The following RNF168 variants were observed in gnomAD, a reference collection of about 807,000 sequenced individuals.
RNF168 encodes the protein E3 ubiquitin-protein ligase RNF168.
A neutral mutation model predicts 34.9 loss-of-function variants in RNF168; 34 were observed. The observed-to-expected ratio is 0.97, with a 90% confidence interval of 0.74 to 1.30. RNF168 has a LOEUF of 1.30. Ranked by LOEUF, RNF168 falls within the 50% of genes most tolerant of loss-of-function variation. RNF168 has a pLI of 0.00. For missense variants in RNF168, 725 were observed against 682.5 expected, an observed-to-expected ratio of 1.06 and a Z score of -0.69; for synonymous variants, 264 against 254.7, an observed-to-expected ratio of 1.04 and a Z score of -0.35.
chr3:196,475,093 A>G, intron 5 of RNF168, 138 bp downstream of exon 5: 3 of 641,862 alleles, frequency 4.7e-6, no homozygotes, highest in Non-Finnish European at 8.5e-6. Flanking sequence ...CTTTTTCTCT[A>G]GGTGAGCCTA....
intron 1 of RNF168, among the ~76,000 whole-genome samples, chr3:196,490,651 T>C (rs1339409169): frequency 6.6e-6 from 1 of 151,700 alleles, no homozygotes. Context: ...TAATATGAAA[T>C]CTTCCAACTT....
intron 3 of RNF168, among the ~76,000 whole-genome samples, chr3:196,487,165 C>T (rs1278111966): frequency 1.3e-5 from 2 of 152,224 alleles, no homozygotes; most frequent in African/African-American, 4.8e-5. Context: ...ATTATGGCAA[C>T]GCCATCTCTT....
At chr3:196,500,990 C>T (rs953151837) in intron 1 of RNF168, among the ~76,000 whole-genome samples, 1 of 152,200 alleles carries the variant, frequency 6.6e-6, no homozygotes, top group Non-Finnish European at 1.5e-5. Flanking sequence ...GGATTACAGG[C>T]GTGAGCCGCC....
At chr3:196,495,749 G>A (rs924392593) in intron 1 of RNF168, among the ~76,000 whole-genome samples, 2 of 152,100 alleles carry the variant, frequency 1.3e-5, no homozygotes, top group African/African-American at 2.4e-5. Context: ...TGAGTCCTCC[G>A]TTCTCCGGCA....
rs533598324 is a variant in RNF168, at chr3:196,480,532, G to A, written c.680+3238C>T. On this transcript the variant is annotated intron_variant, in intron 4 of 5. Coordinates refer to ENST00000318037, the MANE Select transcript of RNF168 (RefSeq NM_152617.4). The stretch of plus-strand genomic sequence containing the variant: ...AAAAGTTGGAATTCTGATTCGAATT[G>A]CACTGACTCTATAGATCAGTCTGAG... Among the ~76,000 whole-genome samples, 6 of 152,366 alleles carry A rather than the reference G, an allele frequency of 3.9e-5. No individual in the cohort carries two copies. In the East Asian group the frequency reaches 1.2e-3, roughly 29 times the overall value.
chr3:196,488,082 A>T (rs1249299315), intron 2 of RNF168, among the ~76,000 whole-genome samples: 20 of 152,162 alleles, frequency 1.3e-4, no homozygotes, highest in Non-Finnish European at 1.3e-4. Context: ...GAATTAAAAA[A>T]TTTTCTTCAT....
chr3:196,475,371 C>T, intron 4 of RNF168, 59 bp from the exon 5 acceptor site: 1 of 958,034 alleles, frequency 1.0e-6, no homozygotes, highest in South Asian at 1.3e-5. Flanking sequence ...ATGTACCCAA[C>T]ATAATAAAGC....
chr3:196,497,453 C>T (rs1311298120), intron 1 of RNF168, among the ~76,000 whole-genome samples: 2 of 151,920 alleles, frequency 1.3e-5, no homozygotes, highest in Non-Finnish European at 2.9e-5. Context: ...AGGCGGATCA[C>T]GAGGTCAGGA....
intron 1 of RNF168, among the ~76,000 whole-genome samples, chr3:196,500,813 G>A (rs565322275): frequency 0.045 from 6,863 of 151,706 alleles, 486 homozygotes; most frequent in African/African-American, 0.16. Context: ...CCGGGTTCAC[G>A]CCATTCTCCG....
chr3:196,497,763 T>G (rs962888899), intron 1 of RNF168, among the ~76,000 whole-genome samples: 1 of 151,828 alleles, frequency 6.6e-6, no homozygotes, highest in Non-Finnish European at 1.5e-5. Context: ...TAAAAAGCAA[T>G]AAACTATAAA....
At position 196,471,935 on chromosome 3, in the gene RNF168, T is replaced by C. The variant is rs1176862082; in HGVS notation, c.1600A>G (p.Arg534Gly). The C allele has an allele frequency of 2.5e-6, 4 of 1,613,996 alleles. No individual in the cohort carries two copies. The African/African-American group carries it at 5.3e-5, about 22-fold the overall frequency. Residue 534 changes from arginine (R) to glycine (G), a missense_variant, in exon 6 of 6, where the codon AGA (arginine) becomes GGA (glycine). By Grantham distance (125) the Arg-to-Gly change is moderately radical (BLOSUM62 -2). Transcript: ENST00000318037. Reference sequence around the variant, plus strand: ...TCTCTAGTAGAATTTGGCATCTTTCTTCTATTAACTGACTGCTTCAACTGC... The same window carrying C: ...TCTCTAGTAGAATTTGGCATCTTTCCTCTATTAACTGACTGCTTCAACTGC... ...KMQLKQSVNR[R>G]KMPNSTRDHC...
chr3:196,471,726 C>T lies in RNF168; in HGVS notation c.*93G>A. The stretch of plus-strand genomic sequence containing the variant: ...AAGGACAATGAGTGTGCCTAGAGAG[C>T]AGCATGAATGACACATGGATGAAGA... On this transcript the variant is annotated 3_prime_UTR_variant, in exon 6 of 6. Coordinates refer to ENST00000318037, the MANE Select transcript of RNF168 (RefSeq NM_152617.4). 1.2e-6 allele frequency: 1 copy of T among 853,856 alleles called. No homozygotes were observed. The highest frequency in any genetic ancestry group is 1.4e-5 in the South Asian group (1 of 73,494). The allele number at this position is 853,856 out of a possible 1,614,324, so 52.9% of individuals were successfully genotyped here.
chr3:196,487,430 T>C lies in RNF168; in HGVS notation c.527A>G (p.Glu176Gly), dbSNP rs1732482706. The stretch of plus-strand genomic sequence containing the variant: ...AATGCTTAGCTTTCTTGCCAGTTCC[T>C]CATCACTTTTCAGTTGTTCTTCCAT... ...RAMEEQLKSD[E>G]ELARKLSIDI... Residue 176 changes from glutamate (E) to glycine (G), a missense_variant, in exon 3 of 6, where the codon GAG (glutamate) becomes GGG (glycine). Physicochemically the swap from Glu to Gly is moderately conservative, Grantham distance 98. Coordinates refer to ENST00000318037, the MANE Select transcript of RNF168 (RefSeq NM_152617.4). The C allele has an allele frequency of 6.2e-7, 1 of 1,614,204 alleles. No homozygotes were observed. Among genetic ancestry groups the C allele is most frequent in the Non-Finnish European group, 8.5e-7 (1 of 1,180,010 alleles).
At chr3:196,496,412 ACT>A (rs1248535020) in intron 1 of RNF168, among the ~76,000 whole-genome samples, 2 of 151,436 alleles carry the variant, frequency 1.3e-5, no homozygotes, top group Non-Finnish European at 2.9e-5. Context: ...CTCACGTGGT[ACT>A]CTGTGTCTTT....
chr3:196,488,151 C>T (rs1226728515), intron 2 of RNF168, among the ~76,000 whole-genome samples: 1 of 152,080 alleles, frequency 6.6e-6, no homozygotes, highest in East Asian at 1.9e-4. Context: ...AAGTAAATTA[C>T]AGCAAAAAAC....
chr3:196,471,846 A>G lies in RNF168; in HGVS notation c.1689T>C (p.Phe563=), dbSNP rs745682071. Residue 563 remains phenylalanine, a synonymous_variant, in exon 6 of 6, where the codon TTT becomes TTC. Coordinates refer to ENST00000318037, the MANE Select transcript of RNF168 (RefSeq NM_152617.4). ...LQPSISQKSV[F]QMFQRCTK Reference sequence around the variant, plus strand: ...ACTTTGTGCATCTCTGAAACATCTGAAAAACACTTTTCTGTGAAATGCTAG... The same window carrying G: ...ACTTTGTGCATCTCTGAAACATCTGGAAAACACTTTTCTGTGAAATGCTAG... The G allele has an allele frequency of 6.2e-7, 1 of 1,613,746 alleles. No homozygotes were observed. The highest frequency in any genetic ancestry group is 8.5e-7 in the Non-Finnish European group (1 of 1,179,634).
chr3:196,481,961 G>GGTTTTTTTTTTTTTTTTTTTT (rs1421439724), intron 4 of RNF168, among the ~76,000 whole-genome samples: 1 of 132,828 alleles, frequency 7.5e-6, no homozygotes, highest in Non-Finnish European at 1.6e-5. Flanking sequence ...ACTGTCCCTG[G>GGTTTTTTTTTTTTTTTTTTTT]CTTTTTTTTT....
At chr3:196,480,793 T>C (rs1340956776) in intron 4 of RNF168, among the ~76,000 whole-genome samples, 1 of 151,982 alleles carries the variant, frequency 6.6e-6, no homozygotes, top group East Asian at 1.9e-4. Flanking sequence ...CAGGTGTGCA[T>C]CATCATGCCT....
At chr3:196,478,410 C>A (rs1451074854) in intron 4 of RNF168, among the ~76,000 whole-genome samples, 2 of 152,192 alleles carry the variant, frequency 1.3e-5, no homozygotes, top group Non-Finnish European at 2.9e-5. Flanking sequence ...TGTAACCACT[C>A]TGGCTGTCTC....
Sources: allele counts gnomAD v4.1 joint callset (sites outside exome capture counted in the v4.1 genomes callset), GRCh38; gene constraint gnomAD v4.1.1; transcripts MANE v1.5; gene names NCBI Gene and HGNC (gene_info 2026-07-23, HGNC 2026-07-21).